AGPAT3: variants seen among roughly 807,000 people sequenced by gnomAD.
The protein encoded by AGPAT3 is 1-acyl-sn-glycerol-3-phosphate acyltransferase gamma.
In AGPAT3, 5 loss-of-function variants were observed where a neutral mutation model predicts 47.3. The ratio of observed to expected loss-of-function variants is 0.11; its 90% CI spans 0.06 to 0.22. AGPAT3 has a LOEUF of 0.22. AGPAT3 is among the 10% of genes least tolerant of loss of function. The pLI is 1.00. For synonymous variants in AGPAT3, 212 were observed against 208.3 expected, an observed-to-expected ratio of 1.02 and a Z score of -0.15; for missense variants, 315 against 493.0, an observed-to-expected ratio of 0.64 and a Z score of 3.42.
At position 43,878,799 on chromosome 21, in the gene AGPAT3, A is replaced by G. The variant is rs190785690; in HGVS notation, c.-112+13454A>G. On this transcript the variant is annotated intron_variant, in intron 1 of 9. Coordinates refer to ENST00000291572, the MANE Select transcript of AGPAT3 (RefSeq NM_020132.5). ...GCCCAGACGGGAGTGCAGTGGTGCA[A>G]TCTCGATCTTGGCTCATTGCAACCT... Among the ~76,000 whole-genome samples, 149 of 151,340 alleles carry G rather than the reference A, an allele frequency of 9.8e-4. 1 individual carries two copies. The highest frequency in any genetic ancestry group is 1.7e-3 in the Non-Finnish European group (116 of 67,882).
intron 2 of AGPAT3, among the ~76,000 whole-genome samples, chr21:43,957,395 G>A (rs976406035): frequency 6.6e-6 from 1 of 152,208 alleles, no homozygotes; most frequent in Admixed American, 6.5e-5. Flanking sequence ...TTTGCCCCAT[G>A]GGAGTGCACT....
intron 1 of AGPAT3, among the ~76,000 whole-genome samples, chr21:43,872,179 T>G (rs2085637391): frequency 1.5e-5 from 2 of 129,550 alleles, no homozygotes; most frequent in Admixed American, 7.3e-5. Context: ...GTAAATGGTG[T>G]TTTTTTTTTT....
At chr21:43,964,529 T>C (rs909699217) in intron 3 of AGPAT3, among the ~76,000 whole-genome samples, 1 of 151,068 alleles carries the variant, frequency 6.6e-6, no homozygotes, top group African/African-American at 2.4e-5. Context: ...AAGTATAGGG[T>C]AGGAAAAAAG....
intron 2 of AGPAT3, among the ~76,000 whole-genome samples, chr21:43,907,586 G>A (rs1475127944): frequency 2.0e-5 from 3 of 151,964 alleles, no homozygotes; most frequent in Non-Finnish European, 4.4e-5. Context: ...GCGTGGTGGC[G>A]GGCACTTGTA....
Position 43,956,663 on chromosome 21 carries a change from C to T in AGPAT3, c.-48-2971C>T, listed in dbSNP as rs567678608. Among the ~76,000 whole-genome samples the T allele has an allele frequency of 6.6e-5, 10 of 152,328 alleles. No homozygotes were observed. The East Asian group carries it at 7.7e-4, about 12-fold the overall frequency. ...GTGTGTGGAGTCAGCAATTCAGGAGCGACTTAGCTGGGTGCTGTGGGGTTG... is the reference window on the plus strand; with the variant it reads ...GTGTGTGGAGTCAGCAATTCAGGAGTGACTTAGCTGGGTGCTGTGGGGTTG... On this transcript the variant is annotated intron_variant, in intron 2 of 9. Transcript: ENST00000291572.
At position 43,984,926 on chromosome 21, in the gene AGPAT3, C is replaced by G. The variant is rs1031189217; in HGVS notation, c.*2534C>G. 1.7e-5 allele frequency: 6 copies of G among 356,198 alleles called. No homozygotes were observed. The highest frequency in any genetic ancestry group is 3.4e-5 in the Non-Finnish European group (6 of 178,230). The allele number at this position is 356,198 out of a possible 1,614,324, so 22.1% of individuals were successfully genotyped here. On this transcript the variant is annotated 3_prime_UTR_variant, in exon 10 of 10. Transcript: ENST00000291572. ...CGTGCTGGCCACTGTCGGGGTGAGG[C>G]ACATTCTAGGCCTGGCATCGCTGAT...
intron 1 of AGPAT3, among the ~76,000 whole-genome samples, chr21:43,896,075 G>T (rs2086209917): frequency 6.6e-6 from 1 of 151,706 alleles, no homozygotes; most frequent in African/African-American, 2.4e-5. Context: ...GCCTAATTTT[G>T]GTATTTTTAG....
Position 43,874,519 on chromosome 21 carries a change from G to A in AGPAT3, c.-112+9174G>A, listed in dbSNP as rs139336977. Among the ~76,000 whole-genome samples the A allele has an allele frequency of 7.2e-5, 11 of 152,336 alleles. No individual in the cohort carries two copies. In the East Asian group the frequency reaches 2.1e-3, roughly 29 times the overall value. On this transcript the variant is annotated intron_variant, in intron 1 of 9. Transcript: ENST00000291572. ...TTTTTATTATGATTTCAGCTGAAAA[G>A]CCTCATGGGCAGAGGGATATAGTCT... is the stretch of plus-strand genomic sequence containing the variant.
chr21:43,949,144 G>C (rs1010906283), intron 2 of AGPAT3, among the ~76,000 whole-genome samples: 2 of 152,190 alleles, frequency 1.3e-5, no homozygotes, highest in East Asian at 1.9e-4. Context: ...TTCTGGGGCT[G>C]GGGGGGAGCT....
Position 43,962,575 on chromosome 21 carries a change from A to C in AGPAT3, c.178+2716A>C, listed in dbSNP as rs1215286279. Among the ~76,000 whole-genome samples, 43 of 152,204 alleles carry C rather than the reference A, an allele frequency of 2.8e-4. 1 individual carries two copies. Among genetic ancestry groups the C allele is most frequent in the Admixed American group, 6.5e-5 (1 of 15,274 alleles). ...TCTGGGCTCACAGTAAGGAAACAAA[A>C]ACCTCTCAGCTCCACCCTTCCACCA... On this transcript the variant is annotated intron_variant, in intron 3 of 9. Transcript: ENST00000291572.
At chr21:43,875,800 G>T (rs2085721090) in intron 1 of AGPAT3, among the ~76,000 whole-genome samples, 1 of 152,158 alleles carries the variant, frequency 6.6e-6, no homozygotes. Flanking sequence ...TAGAGACGGG[G>T]TTTCACCCAT....
At position 43,920,511 on chromosome 21, in the gene AGPAT3, G is replaced by A. The variant is rs1461862982; in HGVS notation, c.-49+16492G>A. ...TGACTGTGGCTGGGGCTCCAGGACA[G>A]CCTCCTGGGGGACTGGTTGCCAGGG... is the stretch of plus-strand genomic sequence containing the variant. On this transcript the variant is annotated intron_variant, in intron 2 of 9. Transcript: ENST00000291572. This position sits in a 1 kb window ranked among gnomAD's most constrained non-coding sequence, Gnocchi z 6.1. Among the ~76,000 whole-genome samples, 1 of 152,148 alleles carries A rather than the reference G, an allele frequency of 6.6e-6. No individual in the cohort carries two copies. Among genetic ancestry groups the A allele is most frequent in the Non-Finnish European group, 1.5e-5 (1 of 68,024 alleles).
chr21:43,945,939 C>G (rs1282024534), intron 2 of AGPAT3, among the ~76,000 whole-genome samples: 1 of 152,104 alleles, frequency 6.6e-6, no homozygotes, highest in Non-Finnish European at 1.5e-5. Flanking sequence ...ACAGGGGTCA[C>G]GAGGAGAAGC....
intron 2 of AGPAT3, among the ~76,000 whole-genome samples, chr21:43,957,043 C>T (rs114868461): frequency 5.1e-4 from 77 of 152,268 alleles, no homozygotes; most frequent in African/African-American, 1.7e-3. Flanking sequence ...CTTGTCCCCA[C>T]GGTTTCTGGG....
chr21:43,972,446 G>A (rs543434819), intron 7 of AGPAT3, among the ~76,000 whole-genome samples: 7 of 152,294 alleles, frequency 4.6e-5, no homozygotes, highest in South Asian at 4.1e-4. Flanking sequence ...ACGTTGGGCC[G>A]AAGAGCCTTT....
At chr21:43,866,029 C>T (rs923854525) in intron 1 of AGPAT3, among the ~76,000 whole-genome samples, 1 of 151,682 alleles carries the variant, frequency 6.6e-6, no homozygotes, top group African/African-American at 2.4e-5. Flanking sequence ...AAAACCCACT[C>T]CTGGCCACCC....
At chr21:43,874,287 G>A (rs1338904280) in intron 1 of AGPAT3, among the ~76,000 whole-genome samples, 3 of 152,038 alleles carry the variant, frequency 2.0e-5, no homozygotes, top group African/African-American at 7.2e-5. Flanking sequence ...CGGCTTCCCC[G>A]AGTGCTGGGA....
At chr21:43,940,658 C>T (rs1475834850) in intron 2 of AGPAT3, among the ~76,000 whole-genome samples, 1 of 152,270 alleles carries the variant, frequency 6.6e-6, no homozygotes, top group Non-Finnish European at 1.5e-5. Flanking sequence ...TGTATGGGCA[C>T]AGACTCCCAC....
At chr21:43,942,825 G>T (rs753359522) in intron 2 of AGPAT3, among the ~76,000 whole-genome samples, 6 of 152,150 alleles carry the variant, frequency 3.9e-5, no homozygotes, top group Non-Finnish European at 7.4e-5. Context: ...GTGGCACGGC[G>T]GTGCCATTGC....
Sources: allele counts gnomAD v4.1 joint callset (sites outside exome capture counted in the v4.1 genomes callset), GRCh38; gene constraint gnomAD v4.1.1; non-coding constraint Gnocchi (gnomAD v3.1); transcripts MANE v1.5; gene names NCBI Gene and HGNC (gene_info 2026-07-23, HGNC 2026-07-21).